The following STX8 variants were observed in gnomAD, a reference collection of about 807,000 sequenced individuals.
STX8 encodes the protein syntaxin 8.
In STX8, 23 loss-of-function variants were observed where a neutral mutation model predicts 37.5. That is an observed-to-expected ratio of 0.61 (90% confidence interval 0.44 to 0.87). The LOEUF is 0.87. Among genes scored for constraint, STX8 ranks in the 40% least tolerant of loss-of-function variants. STX8 has a pLI of 0.00. For missense variants in STX8, 313 were observed against 284.7 expected, an observed-to-expected ratio of 1.10 and a Z score of -0.71; for synonymous variants, 115 against 99.1, an observed-to-expected ratio of 1.16 and a Z score of -0.95.
At chr17:9,532,896 C>CA (rs949807080) in intron 4 of STX8, among the ~76,000 whole-genome samples, 6 of 151,340 alleles carry the variant, frequency 4.0e-5, no homozygotes, top group South Asian at 4.2e-4. Context: ...TACTGTGAAG[C>CA]AAAAAAAAGA....
At chr17:9,405,646 C>T (rs536772662) in intron 6 of STX8, among the ~76,000 whole-genome samples, 1 of 152,274 alleles carries the variant, frequency 6.6e-6, no homozygotes, top group South Asian at 2.1e-4. Flanking sequence ...TGATTCTTTT[C>T]CTTACTAGTA....
chr17:9,546,201 G>C (rs536463164), intron 3 of STX8, among the ~76,000 whole-genome samples: 1 of 152,304 alleles, frequency 6.6e-6, no homozygotes, highest in Non-Finnish European at 1.5e-5. Flanking sequence ...AAATTACAAA[G>C]AGAATCATTT....
intron 6 of STX8, among the ~76,000 whole-genome samples, chr17:9,448,729 C>T (rs4609896): frequency 0.45 from 68,152 of 151,946 alleles, 17,035 homozygotes; most frequent in East Asian, 0.71. Context: ...GACCCTAACG[C>T]TGTATTTCCC....
intron 7 of STX8, among the ~76,000 whole-genome samples, chr17:9,344,244 C>T (rs1262063530): frequency 7.5e-6 from 1 of 133,104 alleles, no homozygotes; most frequent in Non-Finnish European, 1.6e-5. Flanking sequence ...GGGCAGTCTG[C>T]CTCTGATACT....
At chr17:9,516,550 A>G (rs1905166387) in intron 4 of STX8, among the ~76,000 whole-genome samples, 1 of 151,630 alleles carries the variant, frequency 6.6e-6, no homozygotes, top group South Asian at 2.1e-4. Context: ...ACCTATGAGG[A>G]AATCCAGCAA....
chr17:9,280,138 C>T (rs548597476), intron 7 of STX8, among the ~76,000 whole-genome samples: 3 of 152,196 alleles, frequency 2.0e-5, no homozygotes, highest in Admixed American at 6.5e-5. Flanking sequence ...GAGAATTGCT[C>T]GAGCCTGGCT....
intron 6 of STX8, among the ~76,000 whole-genome samples, chr17:9,468,386 A>C (rs1198103041): frequency 6.6e-6 from 1 of 152,212 alleles, no homozygotes; most frequent in Non-Finnish European, 1.5e-5. Context: ...CTGGGATTAC[A>C]GGTGTGAGCC....
At chr17:9,489,021 C>T (rs1567583259) in intron 6 of STX8, among the ~76,000 whole-genome samples, 1 of 152,090 alleles carries the variant, frequency 6.6e-6, no homozygotes, top group Non-Finnish European at 1.5e-5. Flanking sequence ...GGACTACAGG[C>T]GCCTGCCACC....
chr17:9,473,900 G>A (rs557808870), intron 6 of STX8, among the ~76,000 whole-genome samples: 2 of 152,242 alleles, frequency 1.3e-5, no homozygotes, highest in African/African-American at 2.4e-5. Flanking sequence ...AATAACTCAC[G>A]GTAGGCTCTT....
intron 7 of STX8, among the ~76,000 whole-genome samples, chr17:9,274,141 G>C (rs901277941): frequency 6.6e-6 from 1 of 152,056 alleles, no homozygotes; most frequent in African/African-American, 2.4e-5. Flanking sequence ...ACCTACTCTG[G>C]CTTTGCCATC....
chr17:9,305,269 T>G (rs1445972633), intron 7 of STX8, among the ~76,000 whole-genome samples: 1 of 151,970 alleles, frequency 6.6e-6, no homozygotes, highest in Non-Finnish European at 1.5e-5. Context: ...ATTTTTGTAT[T>G]TTTAGTAGAG....
chr17:9,315,833 G>A (rs1909365408), intron 7 of STX8, among the ~76,000 whole-genome samples: 2 of 152,050 alleles, frequency 1.3e-5, no homozygotes, highest in African/African-American at 4.8e-5. Flanking sequence ...GTAACATGGT[G>A]AAACGCTGTC....
At chr17:9,264,961 A>T (rs932897789) in intron 7 of STX8, among the ~76,000 whole-genome samples, 2 of 151,822 alleles carry the variant, frequency 1.3e-5, no homozygotes, top group Non-Finnish European at 2.9e-5. Flanking sequence ...AAAAAAAATA[A>T]GAATAAAATT....
intron 6 of STX8, among the ~76,000 whole-genome samples, chr17:9,487,811 C>T (rs2142468392): frequency 6.6e-6 from 1 of 152,334 alleles, no homozygotes; most frequent in South Asian, 2.1e-4. Flanking sequence ...TGTGTATATA[C>T]ACGTCGCCAC....
At chr17:9,342,768 A>T (rs1306306833) in intron 7 of STX8, among the ~76,000 whole-genome samples, 1 of 152,160 alleles carries the variant, frequency 6.6e-6, no homozygotes, top group East Asian at 1.9e-4. Context: ...CACGCCTGTA[A>T]TCCCAGCACT....
At chr17:9,467,987 C>T (rs1396894805) in intron 6 of STX8, among the ~76,000 whole-genome samples, 2 of 152,156 alleles carry the variant, frequency 1.3e-5, no homozygotes, top group Non-Finnish European at 2.9e-5. Context: ...ATACAGCTGC[C>T]ATAATAATAC....
At chr17:9,421,392 C>CAAAA (rs1555525649) in intron 6 of STX8, among the ~76,000 whole-genome samples, 1 of 56,770 alleles carries the variant, frequency 1.8e-5, no homozygotes, top group South Asian at 8.2e-4. Context: ...AACTCCATCT[C>CAAAA]AAAAAAAAAA....
intron 5 of STX8, among the ~76,000 whole-genome samples, chr17:9,496,066 T>C: frequency 1.2e-5 from 1 of 85,198 alleles, no homozygotes; most frequent in East Asian, 3.5e-4. Context: ...GCAGTTTCTT[T>C]TTCTTTCTCT....
chr17:9,501,100 G>A (rs1203365525), intron 5 of STX8, among the ~76,000 whole-genome samples: 1 of 152,186 alleles, frequency 6.6e-6, no homozygotes, highest in East Asian at 1.9e-4. Flanking sequence ...GCATTGCTGA[G>A]AGAATTTGAG....
Sources: allele counts gnomAD v4.1 joint callset (sites outside exome capture counted in the v4.1 genomes callset), GRCh38; gene constraint gnomAD v4.1.1; transcripts MANE v1.5; gene names NCBI Gene and HGNC (gene_info 2026-07-23, HGNC 2026-07-21).